The following SLC9A9 variants were observed in gnomAD, a reference collection of about 807,000 sequenced individuals.
SLC9A9 encodes solute carrier family 9 member A9.
SLC9A9 carries 62 observed loss-of-function variants against 77.8 expected under a neutral mutation model. The observed-to-expected ratio is 0.80, with a 90% confidence interval of 0.65 to 0.98. SLC9A9 has a LOEUF of 0.98. Among genes scored for constraint, SLC9A9 ranks in the 50% least tolerant of loss-of-function variants. SLC9A9 has a pLI of 0.00. For missense variants in SLC9A9, 775 were observed against 774.9 expected, an observed-to-expected ratio of 1.00 and a Z score of 0.00; for synonymous variants, 320 against 283.5, an observed-to-expected ratio of 1.13 and a Z score of -1.29.
At chr3:143,529,693 G>C (rs1057473305) in intron 9 of SLC9A9, among the ~76,000 whole-genome samples, 1 of 152,080 alleles carries the variant, frequency 6.6e-6, no homozygotes, top group Non-Finnish European at 1.5e-5. Flanking sequence ...GTTAGATACC[G>C]AGTATTTTGT....
At chr3:143,336,729 G>A (rs1298390952) in intron 14 of SLC9A9, among the ~76,000 whole-genome samples, 1 of 152,122 alleles carries the variant, frequency 6.6e-6, no homozygotes, top group African/African-American at 2.4e-5. Flanking sequence ...TGGTTGCCAG[G>A]GGTTAGGGTA....
At chr3:143,479,404 C>A (rs534163860) in intron 11 of SLC9A9, among the ~76,000 whole-genome samples, 35 of 151,156 alleles carry the variant, frequency 2.3e-4, no homozygotes, top group Non-Finnish European at 4.4e-4. Context: ...AGCACCACCT[C>A]CCCTGCCTAA....
chr3:143,771,634 G>T (rs1414220341), intron 4 of SLC9A9, among the ~76,000 whole-genome samples: 2 of 152,166 alleles, frequency 1.3e-5, no homozygotes, highest in East Asian at 1.9e-4. Flanking sequence ...CATTTAAACT[G>T]CAGGAAACAC....
intron 13 of SLC9A9, among the ~76,000 whole-genome samples, chr3:143,374,525 G>T (rs1001532371): frequency 1.3e-5 from 2 of 149,328 alleles, no homozygotes; most frequent in African/African-American, 2.5e-5. Flanking sequence ...CATCAAACCA[G>T]AATTCTATAT....
At chr3:143,474,810 C>T (rs2035441852) in intron 11 of SLC9A9, among the ~76,000 whole-genome samples, 1 of 140,692 alleles carries the variant, frequency 7.1e-6, no homozygotes, top group Non-Finnish European at 1.7e-5. Flanking sequence ...TTATTTTGAA[C>T]CAGGTTTGTT....
intron 5 of SLC9A9, among the ~76,000 whole-genome samples, chr3:143,673,583 G>C (rs2039192143): frequency 7.4e-6 from 1 of 135,468 alleles, no homozygotes; most frequent in Non-Finnish European, 1.6e-5. Flanking sequence ...GGGTGGGAGG[G>C]CAGGGCATAA....
chr3:143,500,987 C>T (rs1445299164), intron 9 of SLC9A9, among the ~76,000 whole-genome samples: 1 of 150,000 alleles, frequency 6.7e-6, no homozygotes, highest in African/African-American at 2.5e-5. Flanking sequence ...AACCAGAAAC[C>T]AAAGATGGAT....
At chr3:143,796,633 G>A (rs1417333122) in intron 3 of SLC9A9, among the ~76,000 whole-genome samples, 193 bp downstream of exon 3, 1 of 152,142 alleles carries the variant, frequency 6.6e-6, no homozygotes, top group Admixed American at 6.6e-5. Flanking sequence ...TGTGGTTAAT[G>A]GCCTGTATTC....
Position 143,266,592 on chromosome 3 carries a change from T to C in SLC9A9, c.*110A>G, listed in dbSNP as rs1297210231. 1 of 1,062,292 alleles carries C rather than the reference T, an allele frequency of 9.4e-7. No homozygotes were observed. Among genetic ancestry groups the C allele is most frequent in the African/African-American group, 1.6e-5 (1 of 63,808 alleles). 65.8% of individuals were successfully genotyped at this position (1,062,292 alleles called of 1,614,324 possible). ...CAAGGCTTTGATTCTCTCCAATTTA[T>C]GCTCTTAATATGTTTTCCAGCCTCT... On this transcript the variant is annotated 3_prime_UTR_variant, in exon 16 of 16. Transcript: ENST00000316549.
intron 9 of SLC9A9, among the ~76,000 whole-genome samples, chr3:143,496,909 G>T (rs1408833517): frequency 6.6e-6 from 1 of 152,178 alleles, no homozygotes; most frequent in Non-Finnish European, 1.5e-5. Context: ...CTGATTTGGT[G>T]CTGATGAGAG....
chr3:143,665,537 C>A (rs1197600936), intron 5 of SLC9A9, among the ~76,000 whole-genome samples: 1 of 152,080 alleles, frequency 6.6e-6, no homozygotes, highest in Admixed American at 6.5e-5. Context: ...ATCAATGAAT[C>A]CAGGAGCTAG....
At chr3:143,605,159 G>T (rs755799383) in intron 6 of SLC9A9, among the ~76,000 whole-genome samples, 3 of 152,076 alleles carry the variant, frequency 2.0e-5, no homozygotes, top group Admixed American at 6.5e-5. Context: ...CCTTTGGAGC[G>T]CATCAAAAGA....
At chr3:143,333,679 G>A (rs1334549005) in intron 14 of SLC9A9, among the ~76,000 whole-genome samples, 2 of 152,140 alleles carry the variant, frequency 1.3e-5, no homozygotes, top group Non-Finnish European at 2.9e-5. Context: ...TGCACAAAGT[G>A]AAGAATTCCT....
intron 6 of SLC9A9, among the ~76,000 whole-genome samples, chr3:143,635,724 C>T (rs1488903407): frequency 2.0e-5 from 3 of 152,166 alleles, no homozygotes; most frequent in East Asian, 1.9e-4. Flanking sequence ...CTGATCTTAA[C>T]TGTGCTCTAA....
intron 11 of SLC9A9, among the ~76,000 whole-genome samples, chr3:143,477,329 A>ACTTTTT (rs2035493228): frequency 1.2e-5 from 1 of 82,670 alleles, no homozygotes; most frequent in African/African-American, 4.3e-5. Context: ...GGGCTTCTTC[A>ACTTTTT]ATTTTTTTTT....
intron 9 of SLC9A9, among the ~76,000 whole-genome samples, chr3:143,498,734 T>G (rs1191103587): frequency 6.6e-6 from 1 of 152,160 alleles, no homozygotes; most frequent in East Asian, 1.9e-4. Context: ...AATATCTCTT[T>G]CCATGATTTA....
Position 143,667,896 on chromosome 3 carries a change from T to C in SLC9A9, c.650-15536A>G, listed in dbSNP as rs146916985. Among the ~76,000 whole-genome samples the C allele has an allele frequency of 8.1e-3, 1,229 of 152,300 alleles. 17 individuals carry two copies. The highest frequency in any genetic ancestry group is 0.027 in the African/African-American group (1,132 of 41,544). On this transcript the variant is annotated intron_variant, in intron 5 of 15. Transcript: ENST00000316549. Reference sequence around the variant, plus strand: ...TTACACTGTTGGTGGGAGTGTAAACTAGTTCAACCATTGTGGAAGACAATG... The same window carrying C: ...TTACACTGTTGGTGGGAGTGTAAACCAGTTCAACCATTGTGGAAGACAATG...
Position 143,611,472 on chromosome 3 carries a change from T to C in SLC9A9, c.756-32749A>G, listed in dbSNP as rs140209046. The stretch of plus-strand genomic sequence containing the variant: ...AACGAGCATTATACCAGACACATTA[T>C]TGTGATATTTCAATATAAAATAAAG... On this transcript the variant is annotated intron_variant, in intron 6 of 15. Transcript: ENST00000316549. 2.2e-3 allele frequency among the ~76,000 whole-genome samples: 339 copies of C among 152,332 alleles called. 2 individuals carry two copies. The highest frequency in any genetic ancestry group is 7.6e-3 in the African/African-American group (317 of 41,568).
intron 2 of SLC9A9, among the ~76,000 whole-genome samples, chr3:143,809,460 G>A (rs2008807145): frequency 6.6e-6 from 1 of 152,212 alleles, no homozygotes; most frequent in South Asian, 2.1e-4. Context: ...AGTTCTGGGA[G>A]TAACTCCAAA....
Sources: allele counts gnomAD v4.1 joint callset (sites outside exome capture counted in the v4.1 genomes callset), GRCh38; gene constraint gnomAD v4.1.1; transcripts MANE v1.5; gene names NCBI Gene and HGNC (gene_info 2026-07-23, HGNC 2026-07-21).